PTPRD: variants seen among roughly 807,000 people sequenced by gnomAD.
PTPRD encodes protein tyrosine phosphatase receptor type D.
A neutral mutation model predicts 214.5 loss-of-function variants in PTPRD; 34 were observed. The ratio of observed to expected loss-of-function variants is 0.16; its 90% confidence interval spans 0.12 to 0.21. PTPRD has a LOEUF of 0.21. Among genes scored for constraint, PTPRD ranks in the 10% least tolerant of loss-of-function variants. The pLI, the probability that PTPRD is intolerant of heterozygous loss-of-function variation, is 1.00. For missense variants in PTPRD, 2,545 were observed against 2,398.7 expected (o/e 1.06, Z -1.27); for synonymous variants, 1,128 against 845.7 (o/e 1.33, Z -5.79).
chr9:9,193,608 G>A (rs1019362312), intron 9 of PTPRD, among the ~76,000 whole-genome samples: 4 of 152,070 alleles, frequency 2.6e-5, no homozygotes, highest in Admixed American at 1.3e-4. Flanking sequence ...AATACTGTAG[G>A]CAACTGTAAC....
intron 9 of PTPRD, among the ~76,000 whole-genome samples, chr9:9,217,090 A>G (rs899422897): frequency 6.6e-6 from 1 of 152,088 alleles, no homozygotes; most frequent in Non-Finnish European, 1.5e-5. Context: ...CTTATATGCA[A>G]ATGAGAACTA....
At chr9:10,487,544 T>C (rs994613971) in intron 2 of PTPRD, among the ~76,000 whole-genome samples, 1 of 152,156 alleles carries the variant, frequency 6.6e-6, no homozygotes, top group Non-Finnish European at 1.5e-5. Context: ...TTTAAGCTGA[T>C]AACAACTTCA....
intron 3 of PTPRD, among the ~76,000 whole-genome samples, chr9:10,210,631 C>T (rs912761368): frequency 2.1e-4 from 31 of 150,088 alleles, no homozygotes; most frequent in African/African-American, 6.8e-4. Context: ...AACATGTAAT[C>T]TGTATATATA....
At chr9:9,259,373 A>C (rs1409971135) in intron 9 of PTPRD, among the ~76,000 whole-genome samples, 1 of 151,940 alleles carries the variant, frequency 6.6e-6, no homozygotes, top group Non-Finnish European at 1.5e-5. Context: ...AAGGTAATTT[A>C]GTAATGTGCT....
intron 7 of PTPRD, among the ~76,000 whole-genome samples, chr9:9,712,984 T>C (rs1044998179): frequency 6.6e-6 from 1 of 152,226 alleles, no homozygotes; most frequent in Non-Finnish European, 1.5e-5. Context: ...GTCGCTAATC[T>C]TGTCCAGTTT....
At chr9:8,899,302 A>G (rs1034339205) in intron 11 of PTPRD, among the ~76,000 whole-genome samples, 3 of 152,120 alleles carry the variant, frequency 2.0e-5, no homozygotes, top group Non-Finnish European at 4.4e-5. Flanking sequence ...GCCCTCTTTA[A>G]CAAAAGTGAG....
chr9:9,553,011 C>T (rs2080688898), intron 8 of PTPRD, among the ~76,000 whole-genome samples: 1 of 152,046 alleles, frequency 6.6e-6, no homozygotes, highest in Admixed American at 6.6e-5. Context: ...ATTATGGACA[C>T]TGGGACCATA....
chr9:8,698,198 T>C (rs747423762), intron 12 of PTPRD, among the ~76,000 whole-genome samples: 1 of 152,248 alleles, frequency 6.6e-6, no homozygotes, highest in African/African-American at 2.4e-5. Flanking sequence ...AGTACTAGCA[T>C]ACTGAATGCA....
At chr9:8,427,394 A>T (rs2094753093) in intron 35 of PTPRD, among the ~76,000 whole-genome samples, 1 of 152,154 alleles carries the variant, frequency 6.6e-6, no homozygotes, top group Non-Finnish European at 1.5e-5. Flanking sequence ...AGCAATTTTG[A>T]TCACAACAAA....
At chr9:8,319,682 G>A (rs889629777) in intron 45 of PTPRD, 149 bp downstream of exon 45, 1 of 876,074 alleles carries the variant, frequency 1.1e-6, no homozygotes, top group Non-Finnish European at 1.7e-6. Context: ...CATTTAAAAA[G>A]GGGGAAAATG....
At chr9:9,341,276 C>T (rs2046692807) in intron 9 of PTPRD, among the ~76,000 whole-genome samples, 1 of 152,098 alleles carries the variant, frequency 6.6e-6, no homozygotes, top group Non-Finnish European at 1.5e-5. Context: ...CTCAGCCTGA[C>T]TCAGGGCCCT....
chr9:9,582,889 T>C (rs971637715), intron 7 of PTPRD, among the ~76,000 whole-genome samples: 7 of 152,076 alleles, frequency 4.6e-5, no homozygotes, highest in African/African-American at 1.7e-4. Flanking sequence ...ATAAAGTCTA[T>C]TCATGAATTA....
At chr9:8,841,308 C>T (rs1219317630) in intron 11 of PTPRD, among the ~76,000 whole-genome samples, 2 of 152,208 alleles carry the variant, frequency 1.3e-5, no homozygotes, top group Admixed American at 1.3e-4. Flanking sequence ...TCAAAGTAAA[C>T]CCTCTACTTT....
chr9:9,279,211 C>A (rs1440918264), intron 9 of PTPRD, among the ~76,000 whole-genome samples: 1 of 150,240 alleles, frequency 6.7e-6, no homozygotes, highest in Non-Finnish European at 1.5e-5. Context: ...TGATTATATA[C>A]ATCCAGATAT....
intron 5 of PTPRD, among the ~76,000 whole-genome samples, chr9:9,831,464 C>T (rs925740249): frequency 7.9e-5 from 12 of 151,872 alleles, no homozygotes; most frequent in South Asian, 2.1e-4. Flanking sequence ...TGGGAATACC[C>T]CAATCATCTA....
rs80160591 is a variant in PTPRD, at chr9:8,616,350, C to A, written c.352+16967G>T. Among the ~76,000 whole-genome samples, 15 of 152,202 alleles carry A rather than the reference C, an allele frequency of 9.9e-5. No individual in the cohort carries two copies. The East Asian group carries it at 2.7e-3, about 27-fold the overall frequency. On this transcript the variant is annotated intron_variant, in intron 14 of 45. Coordinates refer to ENST00000381196, the MANE Select transcript of PTPRD (RefSeq NM_002839.4). ...CTAGAGGAAAACTCCTTTAAAATTTCATCTAGTACATGGTCTTCATAACTT... is the reference window on the plus strand; with the variant it reads ...CTAGAGGAAAACTCCTTTAAAATTTAATCTAGTACATGGTCTTCATAACTT...
intron 9 of PTPRD, among the ~76,000 whole-genome samples, chr9:9,272,150 T>A (rs1943195008): frequency 6.6e-6 from 1 of 151,180 alleles, no homozygotes; most frequent in Admixed American, 6.6e-5. Flanking sequence ...CTGCAGTGTA[T>A]CCTTCCCAAA....
At chr9:10,503,887 T>A (rs536506215) in intron 2 of PTPRD, among the ~76,000 whole-genome samples, 1 of 150,972 alleles carries the variant, frequency 6.6e-6, no homozygotes, top group Non-Finnish European at 1.5e-5. Context: ...GAGGCCGAGG[T>A]GGGCGGATCA....
intron 10 of PTPRD, among the ~76,000 whole-genome samples, chr9:9,048,587 G>A (rs1025872672): frequency 1.3e-5 from 2 of 152,142 alleles, no homozygotes; most frequent in Admixed American, 1.3e-4. Flanking sequence ...TCACTTATTT[G>A]TGGGACCTAA....
Sources: gnomAD v4.1 joint callset for allele counts (sites outside exome capture counted in the v4.1 genomes callset) on GRCh38, gnomAD v4.1.1 for gene constraint, MANE v1.5 for transcripts, NCBI Gene and HGNC (gene_info 2026-07-23, HGNC 2026-07-21) for gene names.